LRP1B: variants seen among roughly 807,000 people sequenced by gnomAD.
LRP1B encodes the protein LDL receptor related protein 1B, also known as low-density lipoprotein receptor-related protein 1B.
Under a neutral mutation model 556.6 loss-of-function variants are expected in LRP1B, and 217 were observed. That is an observed-to-expected ratio of 0.39 (90% CI 0.35 to 0.44). LRP1B has a LOEUF of 0.44. Ranked by LOEUF, LRP1B falls within the 20% of genes least tolerant of loss-of-function variation. LRP1B has a pLI of 1.00. For missense variants in LRP1B, 5,053 were observed against 5,620.8 expected (o/e 0.90, Z 3.23); for synonymous variants, 2,047 against 1,865.8 (o/e 1.10, Z -2.50).
intron 41 of LRP1B, among the ~76,000 whole-genome samples, chr2:140,619,206 C>T (rs1458265272): frequency 6.6e-6 from 1 of 151,922 alleles, no homozygotes; most frequent in East Asian, 1.9e-4. Context: ...CCCTATCATT[C>T]CCTGACACTC....
At chr2:141,531,927 G>A (rs565157273) in intron 2 of LRP1B, among the ~76,000 whole-genome samples, 1 of 152,168 alleles carries the variant, frequency 6.6e-6, no homozygotes, top group South Asian at 2.1e-4. Flanking sequence ...TTGAAAATTG[G>A]AATTATAAGT....
intron 5 of LRP1B, among the ~76,000 whole-genome samples, chr2:141,246,406 A>G (rs1272321211): frequency 6.6e-6 from 1 of 152,242 alleles, no homozygotes; most frequent in Non-Finnish European, 1.5e-5. Context: ...ATACCAGGCC[A>G]TTAGGCCCTT....
chr2:140,803,521 A>AT (rs1340790800), intron 32 of LRP1B, among the ~76,000 whole-genome samples: 1 of 151,832 alleles, frequency 6.6e-6, no homozygotes, highest in African/African-American at 2.4e-5. Flanking sequence ...GATGGTCTCC[A>AT]TCTCCTGATC....
intron 41 of LRP1B, among the ~76,000 whole-genome samples, chr2:140,677,117 C>A (rs760487352): frequency 6.6e-6 from 1 of 152,104 alleles, no homozygotes; most frequent in Admixed American, 6.6e-5. Context: ...AGGAGGAGAA[C>A]CAGGATGAAA....
At chr2:141,882,350 G>T (rs1406581142) in intron 1 of LRP1B, among the ~76,000 whole-genome samples, 1 of 152,058 alleles carries the variant, frequency 6.6e-6, no homozygotes. Context: ...TAAAAAATTT[G>T]AAGATTACGA....
At position 141,044,803 on chromosome 2, in the gene LRP1B, C is replaced by T. The variant is rs1402850477; in HGVS notation, c.1789+4183G>A. On this transcript the variant is annotated intron_variant, in intron 11 of 90. Coordinates refer to ENST00000389484, the MANE Select transcript of LRP1B (RefSeq NM_018557.3). ...TGGAGAGGATGTGGAGAAATAGGAA[C>T]ACTTTTACACTGTTGGTGGGACTGT... Among the ~76,000 whole-genome samples the T allele has an allele frequency of 1.5e-4, 22 of 148,916 alleles. No homozygotes were observed. In the South Asian group the frequency reaches 2.6e-3, roughly 18 times the overall value.
chr2:140,380,019 T>G (rs1683403314), intron 67 of LRP1B, among the ~76,000 whole-genome samples: 1 of 152,172 alleles, frequency 6.6e-6, no homozygotes, highest in Non-Finnish European at 1.5e-5. Context: ...TAATAATAAT[T>G]ACCATCTACC....
In LRP1B at chr2:140,994,155, A is replaced by G. The variant is rs767265563; in HGVS notation, c.2504-20T>C. On this transcript the variant is annotated intron_variant, in intron 15 of 90. Transcript: ENST00000389484. The stretch of plus-strand genomic sequence containing the variant: ...GATTAACTAGAGTTAAAAAAACCCA[A>G]GGTATATGAATAATGCTAGCTACAG... 13 of 1,607,540 alleles carry G rather than the reference A, an allele frequency of 8.1e-6. No individual in the cohort carries two copies. Among genetic ancestry groups the G allele is most frequent in the Non-Finnish European group, 9.4e-6 (11 of 1,175,332 alleles).
At chr2:141,872,450 G>A (rs1475784757) in intron 1 of LRP1B, among the ~76,000 whole-genome samples, 2 of 151,734 alleles carry the variant, frequency 1.3e-5, no homozygotes, top group African/African-American at 4.8e-5. Context: ...ACAACAAAGA[G>A]AGCAAAAAGC....
At chr2:141,502,506 A>T (rs1316680577) in intron 2 of LRP1B, among the ~76,000 whole-genome samples, 2 of 152,204 alleles carry the variant, frequency 1.3e-5, no homozygotes, top group Non-Finnish European at 2.9e-5. Flanking sequence ...TAGATAGTTG[A>T]AGAAACACTC....
intron 1 of LRP1B, among the ~76,000 whole-genome samples, chr2:142,035,221 C>T (rs749401922): frequency 2.6e-5 from 4 of 151,706 alleles, no homozygotes; most frequent in Admixed American, 2.6e-4. Flanking sequence ...AGCTTCTCTA[C>T]AGCATGACAG....
chr2:140,945,612 G>A (rs752629681), intron 20 of LRP1B, among the ~76,000 whole-genome samples: 1 of 151,978 alleles, frequency 6.6e-6, no homozygotes, highest in South Asian at 2.1e-4. Flanking sequence ...ATGAGGAAAG[G>A]ACTCCGTATT....
chr2:140,487,575 G>A (rs1487979196), intron 58 of LRP1B, 42 bp downstream of exon 58: 1 of 1,530,450 alleles, frequency 6.5e-7, no homozygotes, highest in Non-Finnish European at 9.0e-7. Flanking sequence ...CAATCATACT[G>A]GTATAATATT....
chr2:140,912,246 A>T (rs2105239601), intron 21 of LRP1B, among the ~76,000 whole-genome samples: 1 of 151,830 alleles, frequency 6.6e-6, no homozygotes, highest in Non-Finnish European at 1.5e-5. Context: ...TGGCCTCAGT[A>T]AAAATACTTT....
At position 142,126,686 on chromosome 2, in the gene LRP1B, T is replaced by C. The variant is rs111844603; in HGVS notation, c.82+3962A>G. On this transcript the variant is annotated intron_variant, in intron 1 of 90. Coordinates refer to ENST00000389484, the MANE Select transcript of LRP1B (RefSeq NM_018557.3). ...ATTGGTACTTTTTACTACACAGAAT[T>C]CCTATAACCAGGAAAATGCTGAAGG... 6.2e-3 allele frequency among the ~76,000 whole-genome samples: 939 copies of C among 151,894 alleles called. 10 individuals are homozygous for C. The highest frequency in any genetic ancestry group is 0.021 in the African/African-American group (888 of 41,526).
At chr2:141,157,872 T>A (rs1702107252) in intron 7 of LRP1B, among the ~76,000 whole-genome samples, 1 of 152,164 alleles carries the variant, frequency 6.6e-6, no homozygotes, top group Admixed American at 6.5e-5. Context: ...TTTGTGATTG[T>A]GATTGGTTAG....
chr2:140,384,410 TCAGAGAACTTCCATATA>T (rs1202237672), intron 67 of LRP1B, among the ~76,000 whole-genome samples: 1 of 152,202 alleles, frequency 6.6e-6, no homozygotes, highest in African/African-American at 2.4e-5. Context: ...ATTAAGTGGA[TCAGAGAACTTCCATATA>T]CAGTTTTTAA....
At chr2:141,164,700 A>G (rs979145393) in intron 7 of LRP1B, among the ~76,000 whole-genome samples, 5 of 152,030 alleles carry the variant, frequency 3.3e-5, no homozygotes, top group African/African-American at 1.2e-4. Context: ...TAACAAACAG[A>G]TCCTGCTGAA....
intron 7 of LRP1B, among the ~76,000 whole-genome samples, chr2:141,164,143 T>C (rs1043367247): frequency 6.6e-6 from 1 of 151,946 alleles, no homozygotes; most frequent in African/African-American, 2.4e-5. Context: ...GAGGTGGAAA[T>C]GAAAGTTAGA....
Sources: gnomAD v4.1 joint callset for allele counts (sites outside exome capture counted in the v4.1 genomes callset) on GRCh38, gnomAD v4.1.1 for gene constraint, MANE v1.5 for transcripts, NCBI Gene and HGNC (gene_info 2026-07-23, HGNC 2026-07-21) for gene names.